NUDCD3: variants seen among roughly 807,000 people sequenced by gnomAD.
NUDCD3 encodes NudC domain containing 3.
Under a neutral mutation model 39.7 loss-of-function variants are expected in NUDCD3, and 13 were observed. That is an observed-to-expected ratio of 0.33 (90% CI 0.21 to 0.52). The LOEUF (loss-of-function observed/expected upper bound fraction) is 0.52. Among genes scored for constraint, NUDCD3 ranks in the 20% least tolerant of loss-of-function variants. NUDCD3 has a pLI of 0.96. For missense variants in NUDCD3, 453 were observed against 458.1 expected, an observed-to-expected ratio of 0.99 and a Z score of 0.10; for synonymous variants, 175 against 172.4, an observed-to-expected ratio of 1.02 and a Z score of -0.12.
At chr7:44,470,385 T>A (rs1800230184) in intron 2 of NUDCD3, among the ~76,000 whole-genome samples, 1 of 152,174 alleles carries the variant, frequency 6.6e-6, no homozygotes, top group African/African-American at 2.4e-5. Context: ...CACAGCCAAG[T>A]CATTTGAGAT....
In NUDCD3 at chr7:44,419,624, C is replaced by T. The variant is rs542004759; in HGVS notation, c.642+7947G>A. 1.2e-4 allele frequency among the ~76,000 whole-genome samples: 18 copies of T among 152,256 alleles called. No homozygotes were observed. The South Asian group carries it at 2.5e-3, about 21-fold the overall frequency. ...CTCCAGCTGGCATTAGCCCAGTGCC[C>T]CTCTGGGACGAAGCTTCCAGAGGAA... On this transcript the variant is annotated intron_variant, in intron 3 of 5. Coordinates refer to ENST00000355451, the MANE Select transcript of NUDCD3 (RefSeq NM_015332.4).
intron 2 of NUDCD3, among the ~76,000 whole-genome samples, chr7:44,435,290 A>G (rs143223600): frequency 7.3e-4 from 111 of 152,230 alleles, no homozygotes; most frequent in African/African-American, 2.3e-3. Flanking sequence ...CTAGTCCCCA[A>G]CCTGGGACCA....
intron 2 of NUDCD3, among the ~76,000 whole-genome samples, chr7:44,438,981 C>A (rs1290901328): frequency 1.3e-5 from 2 of 152,094 alleles, no homozygotes; most frequent in Non-Finnish European, 2.9e-5. Context: ...CTTGCTACAC[C>A]TCGGTGAAGA....
At chr7:44,464,129 G>C (rs1457798044) in intron 2 of NUDCD3, among the ~76,000 whole-genome samples, 1 of 151,238 alleles carries the variant, frequency 6.6e-6, no homozygotes, top group African/African-American at 2.4e-5. Context: ...CAGGAGAATT[G>C]CTTGAACCCG....
chr7:44,422,137 C>T (rs895189243), intron 3 of NUDCD3, among the ~76,000 whole-genome samples: 1 of 152,298 alleles, frequency 6.6e-6, no homozygotes, highest in African/African-American at 2.4e-5. Flanking sequence ...ACAGCTAAAA[C>T]GGTGTTAACA....
At chr7:44,399,915 G>A (rs527611076) in intron 4 of NUDCD3, among the ~76,000 whole-genome samples, 4 of 152,216 alleles carry the variant, frequency 2.6e-5, no homozygotes, top group Non-Finnish European at 4.4e-5. Context: ...ATACTCCAGA[G>A]CAATTTCACT....
intron 2 of NUDCD3, among the ~76,000 whole-genome samples, chr7:44,429,753 G>C (rs1799316358): frequency 6.6e-6 from 1 of 152,148 alleles, no homozygotes; most frequent in African/African-American, 2.4e-5. Flanking sequence ...GTGGGACAGA[G>C]AGATGACATA....
intron 4 of NUDCD3, among the ~76,000 whole-genome samples, chr7:44,399,252 A>T (rs1419219961): frequency 6.6e-6 from 1 of 152,200 alleles, no homozygotes; most frequent in African/African-American, 2.4e-5. Context: ...CCTTCTGTTA[A>T]ATCTGTAAGC....
In NUDCD3 at chr7:44,384,685, T is replaced by C. The variant is rs1022637433; in HGVS notation, c.*1326A>G. 2 of 152,308 alleles carry C rather than the reference T, an allele frequency of 1.3e-5. No homozygotes were observed. The highest frequency in any genetic ancestry group is 2.4e-5 in the African/African-American group (1 of 41,460). The allele number at this position is 152,308 out of a possible 1,614,324, so 9.4% of individuals were successfully genotyped here. ...AGCATCTGCGGGCCTTGATTCTTGC[T>C]GGCCGTGCATGGTGCCAGGGTGCAC... On this transcript the variant is annotated 3_prime_UTR_variant, in exon 6 of 6. Transcript: ENST00000355451.
At chr7:44,453,458 A>G (rs908550216) in intron 2 of NUDCD3, among the ~76,000 whole-genome samples, 1 of 152,224 alleles carries the variant, frequency 6.6e-6, no homozygotes, top group Non-Finnish European at 1.5e-5. Context: ...TGCTAGAAAC[A>G]GGATTCCAAC....
intron 2 of NUDCD3, among the ~76,000 whole-genome samples, chr7:44,471,180 A>G (rs1800248746): frequency 6.6e-6 from 1 of 152,264 alleles, no homozygotes. Context: ...ACCAAAATCC[A>G]ACGATGCTCA....
At chr7:44,419,298 G>T (rs1479666286) in intron 3 of NUDCD3, among the ~76,000 whole-genome samples, 1 of 141,004 alleles carries the variant, frequency 7.1e-6, no homozygotes, top group Non-Finnish European at 1.5e-5. Context: ...TTCTCACTGG[G>T]CAGGGCATCT....
chr7:44,400,706 T>C (rs1438946298), intron 4 of NUDCD3, among the ~76,000 whole-genome samples: 1 of 152,246 alleles, frequency 6.6e-6, no homozygotes, highest in African/African-American at 2.4e-5. Flanking sequence ...CTTCCTGCCA[T>C]TTCCAGCTTC....
At position 44,436,642 on chromosome 7, in the gene NUDCD3, T is replaced by C. The variant is rs373419156; in HGVS notation, c.510-8939A>G. On this transcript the variant is annotated intron_variant, in intron 2 of 5. Transcript: ENST00000355451. ...ATATATATAAAAATAGTTCTCAATA[T>C]AGCTTTAACTCACATTTCTCTGCTT... Among the ~76,000 whole-genome samples the C allele has an allele frequency of 1.1e-4, 16 of 152,206 alleles. No homozygotes were observed. In the East Asian group the frequency reaches 1.9e-3, roughly 18 times the overall value.
At chr7:44,410,341 T>A (rs751909565) in intron 3 of NUDCD3, among the ~76,000 whole-genome samples, 1 of 152,176 alleles carries the variant, frequency 6.6e-6, no homozygotes, top group Non-Finnish European at 1.5e-5. Context: ...AGGACAGGCA[T>A]CTATACAGAT....
chr7:44,389,897 C>T (rs1798477705), intron 5 of NUDCD3, among the ~76,000 whole-genome samples: 1 of 152,190 alleles, frequency 6.6e-6, no homozygotes. Context: ...GAGCCCCTGA[C>T]ACCTCCATGC....
chr7:44,400,417 A>G (rs10254381), intron 4 of NUDCD3, among the ~76,000 whole-genome samples: 23,147 of 152,196 alleles, frequency 0.15, 1,972 homozygotes, highest in Non-Finnish European at 0.19. Context: ...CTGGGCTGCC[A>G]GGAGGTCAGA....
intron 2 of NUDCD3, among the ~76,000 whole-genome samples, chr7:44,428,289 A>G (rs1799278870): frequency 6.6e-6 from 1 of 152,064 alleles, no homozygotes; most frequent in Non-Finnish European, 1.5e-5. Context: ...TACAAAAATT[A>G]GCTGAGCATG....
At chr7:44,421,812 C>G (rs1799147062) in intron 3 of NUDCD3, among the ~76,000 whole-genome samples, 1 of 152,068 alleles carries the variant, frequency 6.6e-6, no homozygotes, top group South Asian at 2.1e-4. Context: ...CTGGACCAAG[C>G]TGACCTAATC....
Sources: gnomAD v4.1 joint callset for allele counts (sites outside exome capture counted in the v4.1 genomes callset) on GRCh38, gnomAD v4.1.1 for gene constraint, MANE v1.5 for transcripts, NCBI Gene and HGNC (gene_info 2026-07-23, HGNC 2026-07-21) for gene names.